Variants in CIMAP2 observed in about 807,000 individuals in gnomAD.
CIMAP2 encodes the protein ciliary microtubule associated protein 2, also known as ciliary microtubule-associated protein 2.
At chr1:54,835,833 T>C in the CIMAP2 span, among the ~76,000 whole-genome samples, 1 of 151,596 alleles carries the variant, frequency 6.6e-6, no homozygotes, top group African/African-American at 2.4e-5. Context: ...GACTTCTCTC[T>C]CTCTGTCCAG....
At chr1:54,808,611 C>CGGGGGGGGG in the CIMAP2 span, among the ~76,000 whole-genome samples, 1 of 44,208 alleles carries the variant, frequency 2.3e-5, no homozygotes, top group East Asian at 4.3e-4. Flanking sequence ...CCAGGTGCTG[C>CGGGGGGGGG]CGGGGGAGGG....
the CIMAP2 span, chr1:54,806,100 C>T: frequency 2.7e-6 from 4 of 1,508,500 alleles, no homozygotes; most frequent in East Asian, 2.6e-5. Flanking sequence ...CGGAGGCGGG[C>T]AGCGCGCAGG....
the CIMAP2 span, among the ~76,000 whole-genome samples, chr1:54,835,033 C>T: frequency 6.6e-6 from 1 of 152,158 alleles, no homozygotes; most frequent in Non-Finnish European, 1.5e-5. Flanking sequence ...CTAAATGCTC[C>T]AGCACGCATA....
the CIMAP2 span, chr1:54,811,989 G>C: frequency 6.2e-7 from 1 of 1,614,030 alleles, no homozygotes; most frequent in African/African-American, 1.3e-5. Context: ...GGCACTCCCA[G>C]GGCAGAGGGG....
chr1:54,816,314 C>G, the CIMAP2 span, among the ~76,000 whole-genome samples: 1 of 152,206 alleles, frequency 6.6e-6, no homozygotes, highest in Non-Finnish European at 1.5e-5. Context: ...CCAGCCCACC[C>G]CTCAGGACTG....
the CIMAP2 span, chr1:54,806,290 C>G: frequency 7.8e-6 from 11 of 1,401,626 alleles, no homozygotes; most frequent in Non-Finnish European, 1.0e-5. Context: ...CGAAGCCACG[C>G]TTGGCCTCGG....
the CIMAP2 span, among the ~76,000 whole-genome samples, chr1:54,815,377 C>T: frequency 6.6e-6 from 1 of 152,220 alleles, no homozygotes; most frequent in Non-Finnish European, 1.5e-5. Flanking sequence ...CCAGGGACCA[C>T]ACTTTGAGAA....
chr1:54,806,149 T>C, the CIMAP2 span: 1 of 1,550,184 alleles, frequency 6.5e-7, no homozygotes, highest in Non-Finnish European at 8.7e-7. Flanking sequence ...CCGGAGCTCA[T>C]GGCTGGAACC....
chr1:54,814,853 T>C, the CIMAP2 span: 7 of 1,608,706 alleles, frequency 4.4e-6, no homozygotes, highest in Non-Finnish European at 5.9e-6. Context: ...TCACCTGCCC[T>C]GGGCCCAGGC....
At chr1:54,838,859 C>T in the CIMAP2 span, among the ~76,000 whole-genome samples, 17 of 152,136 alleles carry the variant, frequency 1.1e-4, no homozygotes, top group Admixed American at 2.6e-4. Flanking sequence ...CTCAGAATGC[C>T]ACACCATTAT....
chr1:54,836,922 C>T, the CIMAP2 span, among the ~76,000 whole-genome samples: 1 of 151,974 alleles, frequency 6.6e-6, no homozygotes, highest in South Asian at 2.1e-4. Context: ...TGATGAATAC[C>T]TGCAAATCAA....
chr1:54,806,173 G>C, the CIMAP2 span: 1 of 1,551,832 alleles, frequency 6.4e-7, no homozygotes, highest in South Asian at 1.2e-5. Context: ...TCGGCTCCAC[G>C]GCCACCAAGT....
chr1:54,837,686 C>T, the CIMAP2 span, among the ~76,000 whole-genome samples: 1 of 152,152 alleles, frequency 6.6e-6, no homozygotes, highest in African/African-American at 2.4e-5. Flanking sequence ...AACCCTCCTG[C>T]ATGTGTTCAT....
At chr1:54,807,217 A>G in the CIMAP2 span, 4 of 1,006,062 alleles carry the variant, frequency 4.0e-6, no homozygotes, top group South Asian at 1.3e-5. Context: ...AGCTGGACCC[A>G]CAGTGGGGGC....
At chr1:54,842,016 T>C in the CIMAP2 span, 1 of 831,048 alleles carries the variant, frequency 1.2e-6, no homozygotes, top group East Asian at 2.7e-5. Context: ...TGTATGGGGA[T>C]CACCTTTGCC....
At chr1:54,821,611 T>C in the CIMAP2 span, among the ~76,000 whole-genome samples, 1 of 152,290 alleles carries the variant, frequency 6.6e-6, no homozygotes, top group Non-Finnish European at 1.5e-5. Flanking sequence ...ATAGAGGTCT[T>C]TCACCTCCTT....
chr1:54,807,137 T>G, the CIMAP2 span: 1 of 1,518,754 alleles, frequency 6.6e-7, no homozygotes, highest in Non-Finnish European at 9.1e-7. Context: ...CACTGCCCCT[T>G]CGAGCTGCCT....
chr1:54,841,837 T>A, the CIMAP2 span: 4 of 1,554,986 alleles, frequency 2.6e-6, no homozygotes, highest in Non-Finnish European at 3.5e-6. Flanking sequence ...GAAAGTGCCC[T>A]CCAACTGTGG....
chr1:54,818,604 T>C, the CIMAP2 span, among the ~76,000 whole-genome samples: 2 of 152,106 alleles, frequency 1.3e-5, no homozygotes, highest in African/African-American at 4.8e-5. Flanking sequence ...TCTTTTTTTT[T>C]CTTTTAAGAT....
Sources: allele counts gnomAD v4.1 joint callset (sites outside exome capture counted in the v4.1 genomes callset), GRCh38; gene constraint gnomAD v4.1.1; transcripts MANE v1.5; gene names NCBI Gene and HGNC (gene_info 2026-07-23, HGNC 2026-07-21).